CFAP44: variants seen among roughly 807,000 people sequenced by gnomAD.
CFAP44 encodes the protein cilia and flagella associated protein 44, also known as cilia- and flagella-associated protein 44.
In CFAP44, 134 loss-of-function variants were observed where a neutral mutation model predicts 216.2. That is an observed-to-expected ratio of 0.62 (90% confidence interval 0.54 to 0.72). The LOEUF (loss-of-function observed/expected upper bound fraction) is 0.72. CFAP44 is among the 30% of genes least tolerant of loss of function. CFAP44 has a pLI of 0.00. For synonymous variants in CFAP44, 700 were observed against 727.6 expected, an observed-to-expected ratio of 0.96 and a Z score of 0.61; for missense variants, 2,035 against 2,182.1, an observed-to-expected ratio of 0.93 and a Z score of 1.34.
In CFAP44 at chr3:113,294,741, C is replaced by T. The variant is rs1449510162; in HGVS notation, c.5319G>A (p.Leu1773=). The change falls in exon 34 of 35, where the codon TTG becomes TTA. Residue 1773 remains leucine (L), a synonymous_variant. Transcript: ENST00000393845. ...AATCAAGTTTCTTCTTTTCAATACA[C>T]AAATCATTCATCTGATAAAGCTTTC... ...HTRKLYQMND[L]CIEKKKLDSR... 6.5e-7 allele frequency: 1 copy of T among 1,535,906 alleles called. No individual in the cohort carries two copies. Among genetic ancestry groups the T allele is most frequent in the African/African-American group, 1.4e-5 (1 of 72,944 alleles).
At chr3:113,413,949 G>A (rs568691114) in intron 6 of CFAP44, among the ~76,000 whole-genome samples, 1 of 152,268 alleles carries the variant, frequency 6.6e-6, no homozygotes, top group African/African-American at 2.4e-5. Flanking sequence ...ATTACTTTGG[G>A]CAGTATGGCC....
At chr3:113,360,938 A>G in intron 21 of CFAP44, 3 of 230,860 alleles carry the variant, frequency 1.3e-5, no homozygotes, top group East Asian at 1.3e-4. Flanking sequence ...AAAAAAAAAA[A>G]GGCAGTTGAA....
intron 1 of CFAP44, among the ~76,000 whole-genome samples, chr3:113,437,982 T>C (rs1935275664): frequency 6.6e-6 from 1 of 152,190 alleles, no homozygotes; most frequent in Non-Finnish European, 1.5e-5. Flanking sequence ...TTGTTGTAAA[T>C]ATTAAATGAG....
intron 4 of CFAP44, among the ~76,000 whole-genome samples, chr3:113,423,105 C>CTTT (rs72395986): frequency 0.021 from 1,665 of 79,022 alleles, 2 homozygotes; most frequent in East Asian, 0.047. Context: ...CTGATCCTTC[C>CTTT]TTTTTTTTTT....
chr3:113,328,450 C>T (rs968811498), intron 26 of CFAP44, among the ~76,000 whole-genome samples: 1 of 150,702 alleles, frequency 6.6e-6, no homozygotes, highest in African/African-American at 2.4e-5. Flanking sequence ...AGCTTTCCCC[C>T]AGCTTTCCCC....
Position 113,291,567 on chromosome 3 carries a change from G to A in CFAP44, c.5555C>T (p.Ala1852Val). 6.5e-7 allele frequency: 1 copy of A among 1,537,120 alleles called. No homozygotes were observed. Among genetic ancestry groups the A allele is most frequent in the South Asian group, 1.2e-5 (1 of 84,048 alleles). The part of the protein sequence containing the change: ...QSPREKEIQP[A>V]DL ...GAGAAAATAGCAAACTCAAAGGTCT[G>A]CGGGCTGTATCTCTTTCTCTCGTGG... The change falls in exon 35 of 35, where the codon GCA becomes GTA. Residue 1852 changes from alanine to valine, a missense_variant. Ala to Val is a moderately conservative substitution (Grantham distance 64). This residue lies in a region of CFAP44 where 1,883 missense variants were observed against 2,023.7 expected (regional missense o/e 0.93). Coordinates refer to ENST00000393845, the MANE Select transcript of CFAP44 (RefSeq NM_001164496.2).
intron 18 of CFAP44, among the ~76,000 whole-genome samples, chr3:113,368,311 A>G (rs543462923): frequency 6.6e-6 from 1 of 152,312 alleles, no homozygotes; most frequent in African/African-American, 2.4e-5. Flanking sequence ...GGTTGCAATG[A>G]AGGAAAAAAT....
At chr3:113,428,280 G>A (rs946849935) in intron 2 of CFAP44, among the ~76,000 whole-genome samples, 4 of 152,232 alleles carry the variant, frequency 2.6e-5, no homozygotes, top group African/African-American at 9.6e-5. Flanking sequence ...GGTTCCCCAG[G>A]AAAGGAGTTA....
chr3:113,366,254 C>T lies in CFAP44; in HGVS notation c.2500G>A (p.Val834Ile), dbSNP rs1465175977. The T allele has an allele frequency of 6.2e-7, 1 of 1,613,458 alleles. No individual in the cohort carries two copies. Among genetic ancestry groups the T allele is most frequent in the Non-Finnish European group, 8.5e-7 (1 of 1,179,584 alleles). The change falls in exon 19 of 35, where the codon GTC becomes ATC. Residue 834 changes from valine (V) to isoleucine (I), a missense_variant. Coordinates refer to ENST00000393845, the MANE Select transcript of CFAP44 (RefSeq NM_001164496.2). ...GMKNGAIRVYVLNQNDPSLTS... is the reference protein window; with the variant it reads ...GMKNGAIRVYILNQNDPSLTS... ...AATGAAGGATCATTTTGATTTAGGA[C>T]ATAGACTCGAATTGCTCCATTTTTC...
chr3:113,426,975 T>A, intron 3 of CFAP44: 1 of 529,350 alleles, frequency 1.9e-6, no homozygotes, highest in Non-Finnish European at 3.2e-6. Context: ...GAAGAATGAG[T>A]ATCAGAGTAC....
At chr3:113,412,694 G>T (rs1349071011) in intron 6 of CFAP44, among the ~76,000 whole-genome samples, 3 of 152,100 alleles carry the variant, frequency 2.0e-5, no homozygotes, top group African/African-American at 7.2e-5. Context: ...CCCTGCAGAG[G>T]ACATGATCTC....
chr3:113,348,526 G>T (rs1950411181), intron 22 of CFAP44, among the ~76,000 whole-genome samples: 1 of 152,172 alleles, frequency 6.6e-6, no homozygotes, highest in African/African-American at 2.4e-5. Context: ...ACACAGCTAT[G>T]CAAAGCTTGC....
At position 113,427,180 on chromosome 3, in the gene CFAP44, T is replaced by C. The variant is rs1179850782; in HGVS notation, c.253+7A>G. ...ACAATTACTGACAGAAAACTAATAA[T>C]ACCTACCTGTAGTGCTTTGCAAATC... On this transcript the variant is annotated splice_region_variant and intron_variant, in intron 3 of 34. Transcript: ENST00000393845. The C allele has an allele frequency of 1.9e-6, 3 of 1,608,716 alleles. No individual in the cohort carries two copies. The highest frequency in any genetic ancestry group is 2.2e-5 in the East Asian group (1 of 44,672).
Position 113,350,192 on chromosome 3 carries a change from G to GA in CFAP44, c.3066-5481_3066-5480insT, listed in dbSNP as rs570529765. Among the ~76,000 whole-genome samples, 363 of 151,896 alleles carry GA rather than the reference G, an allele frequency of 2.4e-3. 3 individuals are homozygous for GA. The highest frequency in any genetic ancestry group is 8.5e-3 in the African/African-American group (354 of 41,440). ...CAGAGAGGAAAGAGAGAGAGAGAGA[G>GA]GAAGAGACAGAGAGACAAAGACAGA... On this transcript the variant is annotated intron_variant, in intron 22 of 34. Transcript: ENST00000393845.
At position 113,426,309 on chromosome 3, in the gene CFAP44, T is replaced by C; in HGVS notation, c.254-32A>G. The C allele has an allele frequency of 1.9e-6, 3 of 1,606,958 alleles. No homozygotes were observed. In the South Asian group the frequency reaches 3.3e-5, roughly 18 times the overall value. On this transcript the variant is annotated intron_variant, in intron 3 of 34. Coordinates refer to ENST00000393845, the MANE Select transcript of CFAP44 (RefSeq NM_001164496.2). ...AAATAAAATAATTTAAGAAGAGTGA[T>C]ATGGTTTGGCTGTGTCCCCACCCAA...
At chr3:113,389,265 T>C (rs1933732703) in intron 15 of CFAP44, among the ~76,000 whole-genome samples, 1 of 152,188 alleles carries the variant, frequency 6.6e-6, no homozygotes. Flanking sequence ...AATATGTTCC[T>C]GAATGACCAG....
chr3:113,372,416 C>A (rs1313316573), intron 18 of CFAP44, among the ~76,000 whole-genome samples: 1 of 152,142 alleles, frequency 6.6e-6, no homozygotes, highest in East Asian at 1.9e-4. Context: ...AGGATGAGTT[C>A]ATGTCCTTTG....
At chr3:113,378,107 C>T (rs1933402417) in intron 17 of CFAP44, among the ~76,000 whole-genome samples, 1 of 152,092 alleles carries the variant, frequency 6.6e-6, no homozygotes, top group African/African-American at 2.4e-5. Context: ...AACTCTTGGG[C>T]TCAAGCAATC....
At chr3:113,314,852 A>T (rs923187778) in intron 28 of CFAP44, among the ~76,000 whole-genome samples, 1 of 152,130 alleles carries the variant, frequency 6.6e-6, no homozygotes, top group African/African-American at 2.4e-5. Flanking sequence ...CTAGACTGGG[A>T]TAAATGATGA....
Sources: gnomAD v4.1 joint callset for allele counts (sites outside exome capture counted in the v4.1 genomes callset) on GRCh38, gnomAD v4.1.1 for gene constraint, gnomAD v4.1.1 regional missense constraint, MANE v1.5 for transcripts, NCBI Gene and HGNC (gene_info 2026-07-23, HGNC 2026-07-21) for gene names.